RBMS3: variants seen among roughly 807,000 people sequenced by gnomAD.
RBMS3 encodes RNA-binding motif, single-stranded-interacting protein 3.
Under a neutral mutation model 66.8 loss-of-function variants are expected in RBMS3, and 27 were observed. The ratio of observed to expected loss-of-function variants is 0.40; its 90% confidence interval spans 0.30 to 0.56. The LOEUF (loss-of-function observed/expected upper bound fraction) is 0.56, where lower values mean the gene tolerates loss of function less well. RBMS3 is among the 20% of genes least tolerant of loss of function. The pLI is 0.40. For synonymous variants in RBMS3, 188 were observed against 183.0 expected, an observed-to-expected ratio of 1.03 and a Z score of -0.22; for missense variants, 513 against 549.5, an observed-to-expected ratio of 0.93 and a Z score of 0.66.
At chr3:29,553,985 C>T (rs1198780419) in intron 3 of RBMS3, among the ~76,000 whole-genome samples, 1 of 152,004 alleles carries the variant, frequency 6.6e-6, no homozygotes, top group African/African-American at 2.4e-5. Flanking sequence ...ATCTAGCTTC[C>T]TATGAGCCTT....
At chr3:29,326,242 A>G (rs2035329714) in intron 1 of RBMS3, among the ~76,000 whole-genome samples, 3 of 152,136 alleles carry the variant, frequency 2.0e-5, no homozygotes, top group Non-Finnish European at 4.4e-5. Context: ...ACTCCTTGGA[A>G]AGCATGCAAT....
intron 1 of RBMS3, among the ~76,000 whole-genome samples, chr3:29,418,555 C>T (rs2040571931): frequency 6.6e-6 from 1 of 151,946 alleles, no homozygotes; most frequent in African/African-American, 2.4e-5. Flanking sequence ...GGTTCTTGGC[C>T]AATGGTGGGT....
At chr3:29,822,141 C>T (rs1192877255) in intron 6 of RBMS3, among the ~76,000 whole-genome samples, 1 of 152,176 alleles carries the variant, frequency 6.6e-6, no homozygotes. Context: ...GCAGGTGCTT[C>T]TCTTTTTTTC....
At chr3:29,676,259 A>C (rs2051245726) in intron 4 of RBMS3, among the ~76,000 whole-genome samples, 1 of 152,112 alleles carries the variant, frequency 6.6e-6, no homozygotes, top group Non-Finnish European at 1.5e-5. Flanking sequence ...GGAGCATCAC[A>C]TACCGGGGCC....
intron 6 of RBMS3, among the ~76,000 whole-genome samples, chr3:29,820,890 A>T (rs986892717): frequency 5.9e-5 from 9 of 152,306 alleles, no homozygotes; most frequent in Admixed American, 5.9e-4. Flanking sequence ...GATTGCGACC[A>T]ACCTGGGCAA....
intron 2 of RBMS3, among the ~76,000 whole-genome samples, chr3:29,443,490 T>C (rs2041704389): frequency 6.6e-6 from 1 of 152,192 alleles, no homozygotes; most frequent in African/African-American, 2.4e-5. Flanking sequence ...GAGGTTACTC[T>C]AGACTATGTG....
At chr3:29,965,633 T>C (rs1350214270) in intron 12 of RBMS3, among the ~76,000 whole-genome samples, 1 of 152,188 alleles carries the variant, frequency 6.6e-6, no homozygotes, top group Non-Finnish European at 1.5e-5. Flanking sequence ...TATCGGTCCT[T>C]TGTCAGATGT....
In RBMS3 at chr3:29,877,815, C is replaced by G. The variant is rs563655089; in HGVS notation, c.745-6347C>G. On this transcript the variant is annotated intron_variant, in intron 7 of 14. Coordinates refer to ENST00000383767, the MANE Select transcript of RBMS3 (RefSeq NM_001003793.3). ...AAGGTGATCTGCTCATATCCCCTTT[C>G]AGCAAGTGAACTAATAAATTGCCCT... Among the ~76,000 whole-genome samples, 4 of 152,296 alleles carry G rather than the reference C, an allele frequency of 2.6e-5. No homozygotes were observed. The East Asian group carries it at 7.7e-4, about 29-fold the overall frequency.
chr3:29,578,849 C>A (rs1399097730), intron 3 of RBMS3, among the ~76,000 whole-genome samples: 1 of 119,802 alleles, frequency 8.3e-6, no homozygotes, highest in Non-Finnish European at 1.6e-5. Flanking sequence ...GGTCGGACTG[C>A]GGACTGCAGT....
intron 6 of RBMS3, among the ~76,000 whole-genome samples, chr3:29,857,390 GC>G (rs566637491): frequency 2.2e-3 from 320 of 146,366 alleles, no homozygotes; most frequent in Middle Eastern, 0.014. Context: ...CCCCCACGGG[GC>G]CCCGATTTGT....
chr3:29,441,118 TC>T (rs977443713), intron 2 of RBMS3, among the ~76,000 whole-genome samples: 31 of 152,266 alleles, frequency 2.0e-4, no homozygotes, highest in African/African-American at 7.2e-4. Context: ...ATGTCATAAA[TC>T]TATGTGGTGG....
chr3:29,883,295 G>C (rs2059780644), intron 7 of RBMS3, among the ~76,000 whole-genome samples: 1 of 152,020 alleles, frequency 6.6e-6, no homozygotes, highest in Non-Finnish European at 1.5e-5. Flanking sequence ...GAAGACTTGG[G>C]TTGAAATCTG....
At chr3:29,971,223 A>T (rs1223797142) in intron 12 of RBMS3, among the ~76,000 whole-genome samples, 3 of 152,054 alleles carry the variant, frequency 2.0e-5, no homozygotes, top group Non-Finnish European at 2.9e-5. Flanking sequence ...AAACTACATT[A>T]TTTCATTACC....
At chr3:29,644,769 G>A (rs2049855069) in intron 4 of RBMS3, among the ~76,000 whole-genome samples, 1 of 152,190 alleles carries the variant, frequency 6.6e-6, no homozygotes, top group African/African-American at 2.4e-5. Context: ...TAGCCGAAGA[G>A]TAGTTCATGG....
At chr3:29,693,529 CTA>C (rs764767681) in intron 4 of RBMS3, among the ~76,000 whole-genome samples, 1 of 152,150 alleles carries the variant, frequency 6.6e-6, no homozygotes, top group Non-Finnish European at 1.5e-5. Context: ...TATTTATTGA[CTA>C]TGATCTTGGG....
intron 14 of RBMS3, among the ~76,000 whole-genome samples, chr3:29,997,094 C>A (rs201470117): frequency 1.0e-3 from 158 of 150,568 alleles, no homozygotes; most frequent in Middle Eastern, 3.4e-3. Context: ...ATATCACCAC[C>A]GATCCCACAG....
intron 10 of RBMS3, among the ~76,000 whole-genome samples, chr3:29,927,405 G>T (rs2060968048): frequency 6.6e-6 from 1 of 152,128 alleles, no homozygotes; most frequent in South Asian, 2.1e-4. Flanking sequence ...GACAGACACT[G>T]TGCTGGGCTC....
At chr3:29,987,477 T>C (rs1416836056) in intron 12 of RBMS3, among the ~76,000 whole-genome samples, 1 of 152,110 alleles carries the variant, frequency 6.6e-6, no homozygotes, top group African/African-American at 2.4e-5. Flanking sequence ...TCATTATTCA[T>C]CCCGATAAGA....
chr3:29,887,335 T>A (rs2059895233), intron 8 of RBMS3, among the ~76,000 whole-genome samples: 1 of 151,722 alleles, frequency 6.6e-6, no homozygotes, highest in East Asian at 2.0e-4. Context: ...ATCCTCATAA[T>A]CCCCATGTGT....
Sources: allele counts gnomAD v4.1 joint callset (sites outside exome capture counted in the v4.1 genomes callset), GRCh38; gene constraint gnomAD v4.1.1; transcripts MANE v1.5; gene names NCBI Gene and HGNC (gene_info 2026-07-23, HGNC 2026-07-21).